CC2D2B: variants seen among roughly 807,000 people sequenced by gnomAD.
The protein encoded by CC2D2B is coiled-coil and C2 domain containing 2B, also known as protein CC2D2B.
In CC2D2B, 128 loss-of-function variants were observed where a neutral mutation model predicts 161.2. That is an observed-to-expected ratio of 0.79 (90% CI 0.69 to 0.92). CC2D2B has a LOEUF of 0.92. Among genes scored for constraint, CC2D2B ranks in the 40% least tolerant of loss-of-function variants. The pLI, the probability that CC2D2B is intolerant of heterozygous loss-of-function variation, is 0.00. For synonymous variants in CC2D2B, 391 were observed against 449.8 expected, an observed-to-expected ratio of 0.87 and a Z score of 1.65; for missense variants, 1,173 against 1,375.1, an observed-to-expected ratio of 0.85 and a Z score of 2.32.
chr10:95,916,362 C>T (rs1178011489), intron 2 of CC2D2B, among the ~76,000 whole-genome samples: 1 of 151,828 alleles, frequency 6.6e-6, no homozygotes, highest in Non-Finnish European at 1.5e-5. Flanking sequence ...CTTTTTGTTT[C>T]ATTGGTGTTT....
intron 28 of CC2D2B, 130 bp downstream of exon 28, chr10:96,012,859 A>G: frequency 1.6e-6 from 1 of 641,256 alleles, no homozygotes. Flanking sequence ...ACTGTTTGTG[A>G]GTCATAAAGC....
chr10:95,930,733 A>G (rs1040176903), intron 6 of CC2D2B, among the ~76,000 whole-genome samples: 2 of 152,240 alleles, frequency 1.3e-5, no homozygotes, highest in Admixed American at 1.3e-4. Context: ...CCCAGGATGA[A>G]GCCCACTGAT....
chr10:95,983,533 G>A (rs1324007766), intron 18 of CC2D2B, 73 bp from the exon 19 acceptor site: 4 of 659,756 alleles, frequency 6.1e-6, no homozygotes, highest in Non-Finnish European at 8.6e-6. Context: ...TCACAGTTGG[G>A]GAAAAAGTCT....
chr10:95,976,965 G>A (rs2077339246), intron 17 of CC2D2B, among the ~76,000 whole-genome samples: 1 of 152,192 alleles, frequency 6.6e-6, no homozygotes, highest in South Asian at 2.1e-4. Context: ...GGTCAGGCTA[G>A]TGTCAAACTG....
intron 20 of CC2D2B, among the ~76,000 whole-genome samples, chr10:95,989,647 G>GGAA (rs1198111764): frequency 7.2e-5 from 11 of 152,280 alleles, no homozygotes; most frequent in African/African-American, 2.6e-4. Flanking sequence ...CAGAGGGTTA[G>GGAA]GAAGGATGTA....
chr10:95,974,185 T>C (rs2077236771), intron 17 of CC2D2B, 29 bp downstream of exon 17: 2 of 1,193,582 alleles, frequency 1.7e-6, no homozygotes, highest in African/African-American at 3.1e-5. Flanking sequence ...TGAAAAATAA[T>C]GCCAGGTCTC....
intron 1 of CC2D2B, among the ~76,000 whole-genome samples, chr10:95,910,274 T>C (rs2098503762): frequency 6.6e-6 from 1 of 152,262 alleles, no homozygotes; most frequent in Admixed American, 6.5e-5. Context: ...ATTAGGCCAT[T>C]CTTGCGTTGC....
chr10:95,994,490 C>T (rs1311952429), intron 22 of CC2D2B, among the ~76,000 whole-genome samples: 2 of 152,178 alleles, frequency 1.3e-5, no homozygotes, highest in Non-Finnish European at 2.9e-5. Context: ...TTTAGGCCTC[C>T]GGATGACTGC....
intron 4 of CC2D2B, 84 bp downstream of exon 4, chr10:95,924,474 G>T: frequency 1.4e-6 from 1 of 736,840 alleles, no homozygotes; most frequent in South Asian, 2.0e-5. Flanking sequence ...TGTCAAAAGA[G>T]CCGAAATTCA....
At chr10:95,917,460 TC>T (rs1473176084) in intron 2 of CC2D2B, among the ~76,000 whole-genome samples, 1 of 152,076 alleles carries the variant, frequency 6.6e-6, no homozygotes, top group Non-Finnish European at 1.5e-5. Flanking sequence ...CTTCCTTCCA[TC>T]CGTCCGTCCA....
Position 95,924,823 on chromosome 10 carries a change from C to A in CC2D2B, c.219C>A (p.Ser73Arg), listed in dbSNP as rs556456249. Residue 73 changes from serine (S) to arginine (R), a missense_variant, in exon 5 of 35, where the codon AGC becomes AGA. By Grantham distance (110) the Ser-to-Arg change is moderately radical. This residue lies in a region of CC2D2B where 298 missense variants were observed against 261.2 expected (regional missense o/e 1.14). Transcript: ENST00000646931. Reference protein sequence around the residue: ...EKSSTEQLIDSEIHQRSKLSP... With the variant: ...EKSSTEQLIDREIHQRSKLSP... ...CTTCAACTGAGCAGCTCATTGATAG[C>A]GAAATACATCAAAGGTCCAAGGTGA... 2.3e-5 allele frequency: 36 copies of A among 1,544,950 alleles called. No homozygotes were observed. The highest frequency in any genetic ancestry group is 3.1e-5 in the Non-Finnish European group (35 of 1,141,472).
At chr10:95,994,986 G>A (rs1038669051) in intron 22 of CC2D2B, among the ~76,000 whole-genome samples, 6 of 152,132 alleles carry the variant, frequency 3.9e-5, no homozygotes, top group Non-Finnish European at 7.3e-5. Context: ...CATCCATCGT[G>A]AATAACTTGC....
intron 12 of CC2D2B, among the ~76,000 whole-genome samples, chr10:95,962,526 A>G (rs936605935): frequency 3.9e-5 from 6 of 152,166 alleles, no homozygotes; most frequent in Non-Finnish European, 1.5e-5. Flanking sequence ...CAGCAATCAT[A>G]CTTTAGATGA....
chr10:96,024,257 G>T (rs2079594066), intron 32 of CC2D2B, among the ~76,000 whole-genome samples: 1 of 151,824 alleles, frequency 6.6e-6, no homozygotes, highest in African/African-American at 2.4e-5. Context: ...GTGTGTGTGT[G>T]TGTGTGTGTG....
At chr10:95,947,739 C>A (rs2076272628) in intron 9 of CC2D2B, among the ~76,000 whole-genome samples, 2 of 151,318 alleles carry the variant, frequency 1.3e-5, no homozygotes, top group Non-Finnish European at 2.9e-5. Flanking sequence ...CACAGTGAGA[C>A]TCCGTCTCAA....
chr10:96,021,584 T>C (rs1025893987), intron 32 of CC2D2B: 12 of 152,010 alleles, frequency 7.9e-5, no homozygotes, highest in African/African-American at 2.9e-4. Flanking sequence ...TGAAAGAATA[T>C]AAAAAATGTA....
intron 34 of CC2D2B, among the ~76,000 whole-genome samples, chr10:96,028,048 G>T (rs2079858924): frequency 6.6e-6 from 1 of 152,148 alleles, no homozygotes; most frequent in Admixed American, 6.6e-5. Flanking sequence ...GAAAACATTG[G>T]GGAATGCCTC....
intron 16 of CC2D2B, 90 bp downstream of exon 16, chr10:95,972,306 ATCC>A: frequency 1.2e-6 from 1 of 804,912 alleles, no homozygotes; most frequent in Non-Finnish European, 1.7e-6. Flanking sequence ...TAAGTACAAA[ATCC>A]TGTATTTACA....
chr10:96,005,609 T>G (rs1467932475), intron 25 of CC2D2B, among the ~76,000 whole-genome samples: 1 of 152,190 alleles, frequency 6.6e-6, no homozygotes, highest in Admixed American at 6.5e-5. Context: ...ATTTTCTTCC[T>G]GCTATCAACT....
Sources: allele counts gnomAD v4.1 joint callset (sites outside exome capture counted in the v4.1 genomes callset), GRCh38; gene constraint gnomAD v4.1.1; regional missense constraint gnomAD v4.1.1; transcripts MANE v1.5; gene names NCBI Gene and HGNC (gene_info 2026-07-23, HGNC 2026-07-21).